CUL3: variants seen among roughly 807,000 people sequenced by gnomAD.
The protein encoded by CUL3 is cullin 3.
CUL3 carries 19 observed loss-of-function variants against 89.1 expected under a neutral mutation model. That is an observed-to-expected ratio of 0.21 (90% CI 0.15 to 0.31). The LOEUF is 0.31. Ranked by LOEUF, CUL3 falls within the 10% of genes least tolerant of loss-of-function variation. The pLI, the probability that CUL3 is intolerant of heterozygous loss-of-function variation, is 1.00. For missense variants in CUL3, 469 were observed against 942.3 expected (o/e 0.50, Z 6.58); for synonymous variants, 351 against 308.4 (o/e 1.14, Z -1.45).
chr2:224,522,074 A>G (rs1369901930), intron 3 of CUL3, among the ~76,000 whole-genome samples: 1 of 151,700 alleles, frequency 6.6e-6, no homozygotes, highest in East Asian at 1.9e-4. Flanking sequence ...TAAAATTAAA[A>G]AAAAAAAAAA....
At position 224,473,305 on chromosome 2, in the gene CUL3, G is replaced by T. The variant is rs3768897; in HGVS notation, c.*940C>A. ...TATTTAGGGGCAGGGAGGACCTAGG[G>T]TATTTATAAACAAAGTATAGACTGT... On this transcript the variant is annotated 3_prime_UTR_variant, in exon 16 of 16. Coordinates refer to ENST00000264414, the MANE Select transcript of CUL3 (RefSeq NM_003590.5). 5.2e-6 allele frequency: 1 copy of T among 192,414 alleles called. No homozygotes were observed. Among genetic ancestry groups the T allele is most frequent in the East Asian group, 8.2e-5 (1 of 12,144 alleles). 11.9% of individuals were successfully genotyped at this position (192,414 alleles called of 1,614,324 possible).
intron 9 of CUL3, among the ~76,000 whole-genome samples, 190 bp downstream of exon 9, chr2:224,503,462 G>A (rs1692468377): frequency 6.6e-6 from 1 of 152,098 alleles, no homozygotes; most frequent in Non-Finnish European, 1.5e-5. Context: ...AGAAATTCCA[G>A]CAAACTCTGA....
intron 6 of CUL3, among the ~76,000 whole-genome samples, chr2:224,510,686 ATTG>A (rs764545189): frequency 1.4e-4 from 21 of 152,134 alleles, no homozygotes; most frequent in Non-Finnish European, 3.1e-4. Context: ...GGATATGGTT[ATTG>A]TTCTTTTAAC....
At chr2:224,475,368 G>A (rs1238185376) in intron 15 of CUL3, among the ~76,000 whole-genome samples, 1 of 152,124 alleles carries the variant, frequency 6.6e-6, no homozygotes, top group Non-Finnish European at 1.5e-5. Context: ...TACAAACGAG[G>A]AAAATAAAGC....
At chr2:224,532,922 G>A (rs1559184521) in intron 3 of CUL3, 3 of 152,186 alleles carry the variant, frequency 2.0e-5, no homozygotes, top group African/African-American at 7.2e-5. Flanking sequence ...AAACATAAAA[G>A]GGGAGAAAAT....
intron 2 of CUL3, among the ~76,000 whole-genome samples, chr2:224,537,691 A>G (rs555685557): frequency 3.3e-5 from 5 of 152,290 alleles, no homozygotes; most frequent in African/African-American, 1.2e-4. Context: ...TCTACGCTAC[A>G]TACAAAAAAA....
chr2:224,513,124 G>A (rs1228965038), intron 5 of CUL3, among the ~76,000 whole-genome samples: 2 of 152,122 alleles, frequency 1.3e-5, no homozygotes, highest in Non-Finnish European at 2.9e-5. Context: ...AGTACAATAT[G>A]CAATACATAT....
chr2:224,496,077 C>T (rs1310555655), intron 12 of CUL3, 111 bp from the exon 13 acceptor site: 2 of 1,227,632 alleles, frequency 1.6e-6, no homozygotes, highest in African/African-American at 1.5e-5. Context: ...GTCATCCAGG[C>T]TACAGTGCAG....
chr2:224,527,455 T>C (rs1422785782), intron 3 of CUL3, among the ~76,000 whole-genome samples: 1 of 152,160 alleles, frequency 6.6e-6, no homozygotes, highest in African/African-American at 2.4e-5. Context: ...AAATAGCGTA[T>C]AGTATTCATC....
chr2:224,525,844 G>A (rs1224228031), intron 3 of CUL3, among the ~76,000 whole-genome samples: 1 of 152,132 alleles, frequency 6.6e-6, no homozygotes. Flanking sequence ...ACTACATCTA[G>A]CTGTTCACTT....
chr2:224,580,277 T>C (rs1695401922), intron 1 of CUL3, among the ~76,000 whole-genome samples: 1 of 152,250 alleles, frequency 6.6e-6, no homozygotes. Context: ...ACGTCCTTAT[T>C]GTCTTCCATC....
intron 2 of CUL3, 76 bp from the exon 3 acceptor site, chr2:224,535,717 TA>T: frequency 2.4e-6 from 2 of 822,358 alleles, no homozygotes; most frequent in Non-Finnish European, 4.1e-6. Context: ...CATATCTGTT[TA>T]ATAAAATAAT....
chr2:224,501,767 G>C (rs1692398857), intron 10 of CUL3, among the ~76,000 whole-genome samples: 1 of 152,106 alleles, frequency 6.6e-6, no homozygotes, highest in Admixed American at 6.6e-5. Context: ...TTAGGGGAAG[G>C]GAGGGTCACA....
At chr2:224,532,302 G>T (rs896885060) in intron 3 of CUL3, among the ~76,000 whole-genome samples, 7 of 152,248 alleles carry the variant, frequency 4.6e-5, no homozygotes, top group Admixed American at 1.3e-4. Flanking sequence ...CTATTTAAGG[G>T]GGGATGGTGG....
intron 9 of CUL3, 56 bp from the exon 10 acceptor site, chr2:224,503,128 A>T: frequency 9.4e-7 from 1 of 1,067,232 alleles, no homozygotes; most frequent in South Asian, 1.3e-5. Flanking sequence ...TCTATGAGAA[A>T]GTACAGAAAG....
intron 3 of CUL3, among the ~76,000 whole-genome samples, chr2:224,524,595 G>C (rs988173122): frequency 6.6e-6 from 1 of 152,120 alleles, no homozygotes; most frequent in Admixed American, 6.5e-5. Flanking sequence ...TGGAAATAAA[G>C]GCAAACTGTT....
At chr2:224,481,129 A>T (rs1054131156) in intron 14 of CUL3, among the ~76,000 whole-genome samples, 4 of 152,090 alleles carry the variant, frequency 2.6e-5, no homozygotes, top group African/African-American at 9.7e-5. Flanking sequence ...ACATTTTTTT[A>T]AAATCAACAA....
At position 224,482,056 on chromosome 2, in the gene CUL3, A is replaced by T; in HGVS notation, c.1865T>A (p.Ile622Asn). Residue 622 changes from isoleucine (I) to asparagine (N), a missense_variant, in exon 14 of 16, where the codon ATC (isoleucine) becomes AAC (asparagine). Transcript: ENST00000264414. ...TFEEIQQETD[I>N]PERELVRALQ... ...GGCTCTAACAAGCTCTCTTTCAGGG[A>T]TATCTGTCTCTTGCTGAATTTCCTG... is the stretch of plus-strand genomic sequence containing the variant. 1 of 1,599,222 alleles carries T rather than the reference A, an allele frequency of 6.3e-7. No homozygotes were observed. The highest frequency in any genetic ancestry group is 8.5e-7 in the Non-Finnish European group (1 of 1,174,950).
At chr2:224,549,046 G>C (rs1694408595) in intron 2 of CUL3, among the ~76,000 whole-genome samples, 1 of 152,120 alleles carries the variant, frequency 6.6e-6, no homozygotes, top group South Asian at 2.1e-4. Context: ...TGGACGCTGT[G>C]GCTCACGCCT....
Sources: gnomAD v4.1 joint callset for allele counts (sites outside exome capture counted in the v4.1 genomes callset) on GRCh38, gnomAD v4.1.1 for gene constraint, MANE v1.5 for transcripts, NCBI Gene and HGNC (gene_info 2026-07-23, HGNC 2026-07-21) for gene names.